Variants in DLC1 observed in about 807,000 individuals in gnomAD.
DLC1 encodes the protein rho GTPase-activating protein 7.
A neutral mutation model predicts 140.3 loss-of-function variants in DLC1; 54 were observed. That is an observed-to-expected ratio of 0.38 (90% CI 0.31 to 0.48). DLC1 has a LOEUF of 0.48. Among genes scored for constraint, DLC1 ranks in the 20% least tolerant of loss-of-function variants. DLC1 has a pLI of 0.96. For missense variants in DLC1, 2,536 were observed against 1,907.0 expected, an observed-to-expected ratio of 1.33 and a Z score of -6.14; for synonymous variants, 986 against 728.1, an observed-to-expected ratio of 1.35 and a Z score of -5.70.
chr8:13,184,571 A>G (rs1316344642), intron 5 of DLC1, among the ~76,000 whole-genome samples: 3 of 152,224 alleles, frequency 2.0e-5, no homozygotes, highest in African/African-American at 7.2e-5. Flanking sequence ...GTAGTCATTC[A>G]GGAGCAAGTT....
At chr8:13,498,217 C>G (rs188267407) in intron 2 of DLC1, among the ~76,000 whole-genome samples, 1 of 152,270 alleles carries the variant, frequency 6.6e-6, no homozygotes, top group Admixed American at 6.5e-5. Flanking sequence ...TGTGCTTGGA[C>G]TTATATCAGG....
intron 2 of DLC1, among the ~76,000 whole-genome samples, chr8:13,452,088 G>A (rs1373813788): frequency 6.6e-6 from 1 of 151,890 alleles, no homozygotes; most frequent in Non-Finnish European, 1.5e-5. Context: ...TTATTTGAGA[G>A]ATAGTCTTTT....
intron 1 of DLC1, among the ~76,000 whole-genome samples, chr8:13,576,802 G>A (rs1209797169): frequency 1.3e-5 from 2 of 152,182 alleles, no homozygotes; most frequent in Admixed American, 6.5e-5. Flanking sequence ...TAGGCTGCAA[G>A]GACTGTGTGC....
Position 13,099,894 on chromosome 8 carries a change from G to A in DLC1, c.2443C>T (p.Pro815Ser). The change falls in exon 9 of 18, where the codon CCT becomes TCT. Residue 815 changes from proline to serine, a missense_variant. Transcript: ENST00000276297. ...TVFYIPEDHK[P>S]GTFPKALTNG... ...GTGAGAGCTTTGGGGAAAGTGCCAG[G>A]CTTGTGATCTTCAGGGATGTAGAAC... 5 of 1,614,148 alleles carry A rather than the reference G, an allele frequency of 3.1e-6. 1 individual carries two copies. The highest frequency in any genetic ancestry group is 4.2e-6 in the Non-Finnish European group (5 of 1,180,044).
At chr8:13,553,239 T>C (rs1458702837) in intron 1 of DLC1, among the ~76,000 whole-genome samples, 3 of 135,764 alleles carry the variant, frequency 2.2e-5, no homozygotes, top group African/African-American at 5.4e-5. Context: ...TATATATATA[T>C]ATATATATAT....
intron 5 of DLC1, among the ~76,000 whole-genome samples, chr8:13,201,262 C>T (rs1000701644): frequency 6.6e-5 from 10 of 151,638 alleles, no homozygotes; most frequent in South Asian, 6.3e-4. Flanking sequence ...AACTTAGAGA[C>T]GAAAAAATGA....
chr8:13,138,754 C>A (rs940965026), intron 5 of DLC1, among the ~76,000 whole-genome samples: 1 of 152,188 alleles, frequency 6.6e-6, no homozygotes, highest in Non-Finnish European at 1.5e-5. Context: ...CCCCTACCCC[C>A]ACTCTCTACC....
chr8:13,380,697 C>T (rs1470401425), intron 4 of DLC1, among the ~76,000 whole-genome samples: 2 of 152,216 alleles, frequency 1.3e-5, no homozygotes, highest in African/African-American at 4.8e-5. Flanking sequence ...CAGCTCAGGA[C>T]ACAGCTCCCT....
At chr8:13,229,276 C>T (rs564735078) in intron 5 of DLC1, among the ~76,000 whole-genome samples, 7 of 152,122 alleles carry the variant, frequency 4.6e-5, no homozygotes, top group Admixed American at 2.0e-4. Context: ...CAATATTGAT[C>T]CACGCTACAA....
chr8:13,373,502 T>C (rs936269819), intron 4 of DLC1, among the ~76,000 whole-genome samples: 1 of 152,228 alleles, frequency 6.6e-6, no homozygotes, highest in Non-Finnish European at 1.5e-5. Flanking sequence ...CTCAATTATA[T>C]ATGTGTCTGT....
intron 4 of DLC1, among the ~76,000 whole-genome samples, chr8:13,352,522 C>G (rs544246522): frequency 6.6e-6 from 1 of 151,960 alleles, no homozygotes; most frequent in Non-Finnish European, 1.5e-5. Context: ...GCTGGGACTA[C>G]AGGCATGCAC....
At chr8:13,522,510 A>G (rs183383273) in intron 1 of DLC1, among the ~76,000 whole-genome samples, 168 of 152,098 alleles carry the variant, frequency 1.1e-3, no homozygotes, top group Admixed American at 1.8e-3. Context: ...CTGTAATCCC[A>G]TTTACTCGGG....
chr8:13,368,538 T>G (rs1382569948), intron 4 of DLC1, among the ~76,000 whole-genome samples: 1 of 151,974 alleles, frequency 6.6e-6, no homozygotes, highest in African/African-American at 2.4e-5. Flanking sequence ...TTTTTTTTTT[T>G]TCTGCATAGA....
chr8:13,547,734 C>G (rs1289163195), intron 1 of DLC1, among the ~76,000 whole-genome samples: 1 of 152,064 alleles, frequency 6.6e-6, no homozygotes, highest in Non-Finnish European at 1.5e-5. Context: ...TCTATCTGCA[C>G]TCATCTATCA....
intron 2 of DLC1, among the ~76,000 whole-genome samples, chr8:13,480,674 C>T (rs1440508572): frequency 6.6e-6 from 1 of 152,042 alleles, no homozygotes; most frequent in Non-Finnish European, 1.5e-5. Context: ...AGAGGTGGAC[C>T]AAGGGGATCA....
At chr8:13,389,018 C>T (rs1410071533) in intron 4 of DLC1, among the ~76,000 whole-genome samples, 3 of 151,984 alleles carry the variant, frequency 2.0e-5, no homozygotes, top group Non-Finnish European at 4.4e-5. Flanking sequence ...GTATAGCGTT[C>T]AGGAGCATTG....
At chr8:13,205,843 A>G (rs1335492631) in intron 5 of DLC1, among the ~76,000 whole-genome samples, 1 of 152,218 alleles carries the variant, frequency 6.6e-6, no homozygotes, top group East Asian at 1.9e-4. Context: ...TAATAAGTCA[A>G]GACAAAGTGA....
At chr8:13,301,911 C>G (rs1429514824) in intron 5 of DLC1, among the ~76,000 whole-genome samples, 1 of 152,168 alleles carries the variant, frequency 6.6e-6, no homozygotes, top group Non-Finnish European at 1.5e-5. Context: ...AAACCCTCCC[C>G]TACCCAACTC....
chr8:13,559,090 C>G (rs576646546), intron 1 of DLC1: 1 of 152,350 alleles, frequency 6.6e-6, no homozygotes, highest in East Asian at 1.9e-4. Flanking sequence ...CTAGCCAGAA[C>G]AAAAGCTCAC....
Sources: allele counts gnomAD v4.1 joint callset (sites outside exome capture counted in the v4.1 genomes callset), GRCh38; gene constraint gnomAD v4.1.1; transcripts MANE v1.5; gene names NCBI Gene and HGNC (gene_info 2026-07-23, HGNC 2026-07-21).